Variants in NRXN3 observed in about 807,000 individuals in gnomAD.
The protein encoded by NRXN3 is neurexin 3.
Under a neutral mutation model 137.6 loss-of-function variants are expected in NRXN3, and 32 were observed. The ratio of observed to expected loss-of-function variants is 0.23; its 90% CI spans 0.18 to 0.31. The LOEUF is 0.31. NRXN3 is among the 10% of genes least tolerant of loss of function. NRXN3 has a pLI of 1.00. For missense variants in NRXN3, 1,574 were observed against 2,062.5 expected (o/e 0.76, Z 4.59); for synonymous variants, 798 against 784.5 (o/e 1.02, Z -0.29).
At chr14:78,912,851 G>A (rs2099243040) in intron 10 of NRXN3, among the ~76,000 whole-genome samples, 1 of 152,042 alleles carries the variant, frequency 6.6e-6, no homozygotes, top group Admixed American at 6.6e-5. Context: ...ACCTAACCAA[G>A]TTTTTTGTTT....
At chr14:78,276,391 T>TTCCTGTGA (rs2073597466) in intron 2 of NRXN3, among the ~76,000 whole-genome samples, 2 of 152,206 alleles carry the variant, frequency 1.3e-5, no homozygotes, top group South Asian at 4.1e-4. Flanking sequence ...ACTGGCTTCA[T>TTCCTGTGA]TCCTGTGATC....
At chr14:78,386,698 C>A (rs923454369) in intron 4 of NRXN3, among the ~76,000 whole-genome samples, 3 of 152,168 alleles carry the variant, frequency 2.0e-5, no homozygotes, top group African/African-American at 7.2e-5. Flanking sequence ...GAACTTGAAT[C>A]CTGGACTTCA....
chr14:79,469,488 G>A (rs2096471286), intron 16 of NRXN3, among the ~76,000 whole-genome samples: 1 of 152,124 alleles, frequency 6.6e-6, no homozygotes. Context: ...ATTTATTAGT[G>A]TGTGTATTCT....
At chr14:79,466,987 A>G (rs1346062781) in intron 15 of NRXN3, among the ~76,000 whole-genome samples, 1 of 152,230 alleles carries the variant, frequency 6.6e-6, no homozygotes, top group Non-Finnish European at 1.5e-5. Flanking sequence ...TAAGATGTTA[A>G]GAACGACTCT....
intron 15 of NRXN3, among the ~76,000 whole-genome samples, chr14:79,396,571 G>A (rs967794507): frequency 2.0e-5 from 3 of 152,074 alleles, no homozygotes; most frequent in African/African-American, 7.2e-5. Flanking sequence ...TGTAGTTTGT[G>A]TACAGGTAGG....
chr14:79,132,767 A>T (rs1187820080), intron 15 of NRXN3, among the ~76,000 whole-genome samples: 1 of 152,230 alleles, frequency 6.6e-6, no homozygotes, highest in Non-Finnish European at 1.5e-5. Flanking sequence ...TGAGTTTAGC[A>T]TGCCACATAA....
chr14:78,901,161 T>TCTCAGG (rs1338161103), intron 10 of NRXN3, among the ~76,000 whole-genome samples: 1 of 152,066 alleles, frequency 6.6e-6, no homozygotes, highest in African/African-American at 2.4e-5. Context: ...TCATTCCCCA[T>TCTCAGG]CTCAGGCTCA....
intron 10 of NRXN3, among the ~76,000 whole-genome samples, chr14:78,876,915 C>G (rs535358496): frequency 1.3e-5 from 2 of 152,192 alleles, no homozygotes; most frequent in South Asian, 2.1e-4. Flanking sequence ...TGTAAAAAAC[C>G]ATACTTCCAT....
intron 19 of NRXN3, among the ~76,000 whole-genome samples, chr14:79,784,190 T>C (rs1202858252): frequency 6.6e-6 from 1 of 152,202 alleles, no homozygotes; most frequent in Non-Finnish European, 1.5e-5. Flanking sequence ...TGAAGCATGG[T>C]GTGCTCTGTG....
intron 19 of NRXN3, among the ~76,000 whole-genome samples, chr14:79,705,235 C>A (rs1164390729): frequency 6.6e-6 from 1 of 152,054 alleles, no homozygotes; most frequent in South Asian, 2.1e-4. Context: ...TGTTTTTAAA[C>A]CTCAGGGTGG....
intron 16 of NRXN3, among the ~76,000 whole-genome samples, chr14:79,600,041 G>A (rs544896828): frequency 2.6e-5 from 4 of 152,010 alleles, no homozygotes; most frequent in African/African-American, 9.7e-5. Flanking sequence ...TTACTGAGGT[G>A]GCTATTACTA....
At chr14:79,501,792 A>G (rs2096828736) in intron 16 of NRXN3, among the ~76,000 whole-genome samples, 1 of 150,666 alleles carries the variant, frequency 6.6e-6, no homozygotes, top group Non-Finnish European at 1.5e-5. Context: ...TCTAAAACTG[A>G]GACCCTAGGT....
chr14:79,186,530 T>C (rs1420455707), intron 15 of NRXN3, among the ~76,000 whole-genome samples: 1 of 152,158 alleles, frequency 6.6e-6, no homozygotes, highest in Non-Finnish European at 1.5e-5. Flanking sequence ...TACATTGAAG[T>C]TGTCCCAAAG....
At chr14:79,089,041 G>A (rs2152797715) in intron 15 of NRXN3, among the ~76,000 whole-genome samples, 1 of 152,178 alleles carries the variant, frequency 6.6e-6, no homozygotes, top group East Asian at 1.9e-4. Context: ...GGGATAGAGT[G>A]TTGGTAGCAG....
rs529536716 is a variant in NRXN3 at position 78,196,150 on chromosome 14, C to T, written c.-704+25476C>T. On this transcript the variant is annotated intron_variant, in intron 1 of 20. Coordinates refer to ENST00000335750, the MANE Select transcript of NRXN3 (RefSeq NM_001330195.2). ...TCACCCAGCCAGAAAGTGTGGGTCTCCCACCTCCTGGGCAGGGCTCCTTCA... is the reference window on the plus strand; with the variant it reads ...TCACCCAGCCAGAAAGTGTGGGTCTTCCACCTCCTGGGCAGGGCTCCTTCA... Among the ~76,000 whole-genome samples, 3 of 152,358 alleles carry T rather than the reference C, an allele frequency of 2.0e-5. No homozygotes were observed. In the South Asian group the frequency reaches 6.2e-4, roughly 32 times the overall value.
chr14:78,860,421 G>C (rs1183404948), intron 10 of NRXN3, among the ~76,000 whole-genome samples: 1 of 152,022 alleles, frequency 6.6e-6, no homozygotes, highest in Non-Finnish European at 1.5e-5. Context: ...AAACTTACCT[G>C]TCTTGTACTA....
intron 4 of NRXN3, among the ~76,000 whole-genome samples, chr14:78,451,671 A>T (rs954508342): frequency 2.0e-5 from 3 of 152,350 alleles, no homozygotes; most frequent in South Asian, 2.1e-4. Context: ...GATGGGACTT[A>T]ATGCTGTCTG....
At chr14:78,363,051 T>C (rs1223701315) in intron 4 of NRXN3, among the ~76,000 whole-genome samples, 5 of 152,210 alleles carry the variant, frequency 3.3e-5, no homozygotes, top group African/African-American at 1.2e-4. Context: ...CCTCCTGTCT[T>C]CCTCTTTGCC....
At chr14:78,676,377 C>T (rs2098006583) in intron 6 of NRXN3, among the ~76,000 whole-genome samples, 1 of 152,006 alleles carries the variant, frequency 6.6e-6, no homozygotes, top group African/African-American at 2.4e-5. Flanking sequence ...ACAGATATTG[C>T]TGATATGCAG....
Sources: gnomAD v4.1 joint callset for allele counts (sites outside exome capture counted in the v4.1 genomes callset) on GRCh38, gnomAD v4.1.1 for gene constraint, MANE v1.5 for transcripts, NCBI Gene and HGNC (gene_info 2026-07-23, HGNC 2026-07-21) for gene names.